DLGAP2: variants seen among roughly 807,000 people sequenced by gnomAD.
The protein encoded by DLGAP2 is disks large-associated protein 2.
In DLGAP2, 26 loss-of-function variants were observed where a neutral mutation model predicts 100.3. The ratio of observed to expected loss-of-function variants is 0.26; its 90% CI spans 0.19 to 0.36. The LOEUF is 0.36. Ranked by LOEUF, DLGAP2 falls within the 10% of genes least tolerant of loss-of-function variation. The probability of loss-of-function intolerance (pLI) is 1.00; values close to 1 mark genes in which losing one functional copy is unlikely to be tolerated. For missense variants in DLGAP2, 1,858 were observed against 1,453.2 expected (o/e 1.28, Z -4.53); for synonymous variants, 886 against 630.1 (o/e 1.41, Z -6.08).
chr8:1,235,534 CTAGTTCTCTCACATGGCGCCATGT>C (rs1798632677), intron 2 of DLGAP2, among the ~76,000 whole-genome samples: 1 of 18,718 alleles, frequency 5.3e-5, no homozygotes, highest in Non-Finnish European at 1.6e-4. Context: ...AGCATCATGT[CTAGTTCTCTCACATGGCGCCATGT>C]CTAGTTCTCT....
intron 2 of DLGAP2, among the ~76,000 whole-genome samples, chr8:1,175,971 G>T (rs1425905913): frequency 6.6e-6 from 1 of 152,174 alleles, no homozygotes; most frequent in African/African-American, 2.4e-5. Flanking sequence ...TGTGGGAGCT[G>T]GCACAGGGCC....
intron 2 of DLGAP2, among the ~76,000 whole-genome samples, chr8:1,173,314 CTGCTCAG>C (rs1399834486): frequency 2.0e-5 from 3 of 152,210 alleles, no homozygotes; most frequent in Admixed American, 6.5e-5. Context: ...TCCAGTTAGG[CTGCTCAG>C]GGGTCAGGGG....
chr8:1,306,345 CA>C (rs978044492), intron 3 of DLGAP2, among the ~76,000 whole-genome samples: 1 of 151,882 alleles, frequency 6.6e-6, no homozygotes, highest in Admixed American at 6.6e-5. Context: ...ATAATCGTGT[CA>C]AAAAAACCCA....
intron 3 of DLGAP2, among the ~76,000 whole-genome samples, chr8:1,374,552 G>T (rs970990144): frequency 6.6e-6 from 1 of 152,166 alleles, no homozygotes; most frequent in Non-Finnish European, 1.5e-5. Context: ...GATTTGTTCA[G>T]GCTGTGCTTT....
At chr8:774,965 T>C (rs1180126162) in intron 1 of DLGAP2, among the ~76,000 whole-genome samples, 1 of 151,456 alleles carries the variant, frequency 6.6e-6, no homozygotes, top group Non-Finnish European at 1.5e-5. Context: ...ACGATATTGA[T>C]TCTTCCTACC....
chr8:1,198,011 C>T (rs1222821827), intron 2 of DLGAP2, among the ~76,000 whole-genome samples: 1 of 152,126 alleles, frequency 6.6e-6, no homozygotes, highest in Non-Finnish European at 1.5e-5. Context: ...TAGCCTGGGT[C>T]ATTCAGGGAC....
intron 4 of DLGAP2, among the ~76,000 whole-genome samples, chr8:1,534,005 A>C (rs889470451): frequency 6.6e-6 from 1 of 152,244 alleles, no homozygotes; most frequent in African/African-American, 2.4e-5. Flanking sequence ...TTGCTTATGA[A>C]ATAATTATTA....
In DLGAP2 at chr8:1,556,849, G is replaced by T. The variant is rs137875202; in HGVS notation, c.1230+7166G>T. Among the ~76,000 whole-genome samples, 15 of 152,324 alleles carry T rather than the reference G, an allele frequency of 9.8e-5. No homozygotes were observed. In the East Asian group the frequency reaches 2.7e-3, roughly 27 times the overall value. On this transcript the variant is annotated intron_variant, in intron 5 of 14. Coordinates refer to ENST00000637795, the MANE Select transcript of DLGAP2 (RefSeq NM_001346810.2). ...AAATTGTTGTAGGGACACCAGGGTG[G>T]ATTTGAGCAGCATCGCGAAGATCTC...
intron 1 of DLGAP2, among the ~76,000 whole-genome samples, chr8:861,429 G>C (rs573743734): frequency 1.4e-4 from 21 of 152,232 alleles, no homozygotes; most frequent in African/African-American, 4.8e-4. Flanking sequence ...GAAGTTTGAA[G>C]CCCCTAGCAC....
chr8:1,428,123 G>C (rs996496931), intron 3 of DLGAP2, among the ~76,000 whole-genome samples: 1 of 150,842 alleles, frequency 6.6e-6, no homozygotes, highest in Non-Finnish European at 1.5e-5. Context: ...GAAAGAAAAT[G>C]ATAAATATAA....
chr8:1,633,435 C>A (rs1185040810), intron 8 of DLGAP2, among the ~76,000 whole-genome samples: 1 of 152,152 alleles, frequency 6.6e-6, no homozygotes, highest in African/African-American at 2.4e-5. Flanking sequence ...GTAGTGACGT[C>A]CAGCCGGTCT....
At chr8:1,553,482 T>TCGGCG (rs57445727) in intron 5 of DLGAP2, among the ~76,000 whole-genome samples, 5 of 152,268 alleles carry the variant, frequency 3.3e-5, no homozygotes, top group Non-Finnish European at 7.3e-5. Context: ...CCCGTTGTGC[T>TCGGCG]TGGCGTGTTC....
At chr8:969,081 A>G (rs1018729645) in intron 2 of DLGAP2, among the ~76,000 whole-genome samples, 4 of 152,140 alleles carry the variant, frequency 2.6e-5, no homozygotes, top group Admixed American at 6.5e-5. Context: ...GCCTGGAGGC[A>G]TTTCTGGATG....
intron 1 of DLGAP2, among the ~76,000 whole-genome samples, chr8:887,643 G>A (rs1163156188): frequency 1.3e-5 from 2 of 152,120 alleles, no homozygotes; most frequent in East Asian, 1.9e-4. Flanking sequence ...GCTTAGTTTG[G>A]CTGGATATGA....
chr8:771,034 C>G (rs1046374079), intron 1 of DLGAP2, among the ~76,000 whole-genome samples: 5 of 152,188 alleles, frequency 3.3e-5, no homozygotes, highest in African/African-American at 4.8e-5. Context: ...TCCTATTCTC[C>G]AGACAGGTGC....
Position 1,440,618 on chromosome 8 carries a change from G to A in DLGAP2, c.107-60748G>A, listed in dbSNP as rs541079305. Among the ~76,000 whole-genome samples the A allele has an allele frequency of 5.9e-5, 9 of 152,300 alleles. No individual in the cohort carries two copies. The East Asian group carries it at 1.7e-3, about 29-fold the overall frequency. ...ACGGCAGAAATTTTAGAAGACTCAT[G>A]GGCTCTCCTGAATAAAAATCCTGCT... On this transcript the variant is annotated intron_variant, in intron 3 of 14. Coordinates refer to ENST00000637795, the MANE Select transcript of DLGAP2 (RefSeq NM_001346810.2).
intron 3 of DLGAP2, among the ~76,000 whole-genome samples, chr8:1,319,981 G>C (rs767304774): frequency 5.3e-5 from 8 of 152,270 alleles, no homozygotes; most frequent in Admixed American, 2.6e-4. Flanking sequence ...TAACAGGGGT[G>C]GGGGAGAATA....
At chr8:765,161 G>T (rs915529864) in intron 1 of DLGAP2, among the ~76,000 whole-genome samples, 2 of 152,146 alleles carry the variant, frequency 1.3e-5, no homozygotes, top group Non-Finnish European at 2.9e-5. Flanking sequence ...GAGTTTCTCT[G>T]CTGTTATCTG....
At chr8:989,224 C>T (rs1800579377) in intron 2 of DLGAP2, among the ~76,000 whole-genome samples, 1 of 152,172 alleles carries the variant, frequency 6.6e-6, no homozygotes, top group African/African-American at 2.4e-5. Flanking sequence ...CCCAGCAGTG[C>T]TCCCCCGGAG....
Sources: allele counts gnomAD v4.1 joint callset (sites outside exome capture counted in the v4.1 genomes callset), GRCh38; gene constraint gnomAD v4.1.1; transcripts MANE v1.5; gene names NCBI Gene and HGNC (gene_info 2026-07-23, HGNC 2026-07-21).